LMO2: variants seen among roughly 807,000 people sequenced by gnomAD.
The protein encoded by LMO2 is rhombotin-2.
LMO2 carries 20 observed loss-of-function variants against 23.2 expected under a neutral mutation model. The observed-to-expected ratio is 0.86, with a 90% CI of 0.61 to 1.25. The LOEUF (loss-of-function observed/expected upper bound fraction) is 1.25. Ranked by LOEUF, LMO2 falls within the 50% of genes most tolerant of loss-of-function variation. The pLI is 0.00. For synonymous variants in LMO2, 123 were observed against 130.2 expected (o/e 0.94, Z 0.38); for missense variants, 270 against 315.3 (o/e 0.86, Z 1.09).
chr11:33,880,042 C>A lies in LMO2; in HGVS notation c.-272+1782G>T, dbSNP rs1857226476. The stretch of plus-strand genomic sequence containing the variant: ...ACAGCAACTCAAACAAATATTTGTA[C>A]ACCCATGTTCACAGCAGTACTATTC... On this transcript the variant is annotated intron_variant, in intron 2 of 5. Transcript: ENST00000257818. This position sits in a 1 kb window ranked among gnomAD's most constrained non-coding sequence, Gnocchi z 4.3. Among the ~76,000 whole-genome samples the A allele has an allele frequency of 6.6e-6, 1 of 152,028 alleles. No individual in the cohort carries two copies. The highest frequency in any genetic ancestry group is 6.6e-5 in the Admixed American group (1 of 15,262).
At chr11:33,887,331 G>A (rs1369850027) in intron 1 of LMO2, among the ~76,000 whole-genome samples, 1 of 152,152 alleles carries the variant, frequency 6.6e-6, no homozygotes, top group Non-Finnish European at 1.5e-5. Context: ...TGGGGTTGGG[G>A]AACCTGAGGG....
In LMO2 at chr11:33,864,612, C is replaced by A; in HGVS notation, c.454G>T (p.Asp152Tyr). 6.2e-7 allele frequency: 1 copy of A among 1,613,198 alleles called. No homozygotes were observed. The highest frequency in any genetic ancestry group is 8.5e-7 in the Non-Finnish European group (1 of 1,179,710). ...TGCCGGGGAGGGTACCTGAGATAGT[C>A]TCTCCGGCAGAGCTTCCGGCCCAGT... Reference protein sequence around the residue: ...YKLGRKLCRRDYLRLFGQDGL... With the variant: ...YKLGRKLCRRYYLRLFGQDGL... Residue 152 changes from aspartate (D) to tyrosine (Y), a missense_variant, in exon 5 of 6, where the codon GAC (aspartate) becomes TAC (tyrosine). Asp to Tyr is a radical substitution (Grantham distance 160, BLOSUM62 -3). Transcript: ENST00000257818. This position sits in a 1 kb window ranked among gnomAD's most constrained non-coding sequence, Gnocchi z 4.8.
chr11:33,866,958 G>T (rs1326533312), intron 4 of LMO2, among the ~76,000 whole-genome samples: 1 of 152,132 alleles, frequency 6.6e-6, no homozygotes, highest in Non-Finnish European at 1.5e-5. Context: ...ACTCAGAGTT[G>T]CATCTCTTCT....
chr11:33,885,781 A>T (rs187779680), intron 1 of LMO2, among the ~76,000 whole-genome samples: 49 of 152,104 alleles, frequency 3.2e-4, no homozygotes, highest in Non-Finnish European at 6.0e-4. Context: ...CCCTTGGTAG[A>T]TGATGTGGGT....
intron 4 of LMO2, among the ~76,000 whole-genome samples, chr11:33,868,185 G>A (rs11825540): frequency 0.035 from 5,303 of 152,232 alleles, 247 homozygotes; most frequent in African/African-American, 0.1. Context: ...AATATGTTGA[G>A]CTTTTATGCT....
At chr11:33,870,945 C>T (rs1260138973) in intron 2 of LMO2, 1 of 508,080 alleles carries the variant, frequency 2.0e-6, no homozygotes, top group Admixed American at 6.4e-5. Context: ...TTAGGCTCTC[C>T]TGGGCCTCAG....
chr11:33,872,076 A>C (rs1002037236), intron 2 of LMO2, among the ~76,000 whole-genome samples: 1 of 152,140 alleles, frequency 6.6e-6, no homozygotes, highest in African/African-American at 2.4e-5. Flanking sequence ...GGATCACTTG[A>C]GGTCAGGAGT....
chr11:33,879,538 G>A (rs1390480817), intron 2 of LMO2, among the ~76,000 whole-genome samples: 1 of 151,960 alleles, frequency 6.6e-6, no homozygotes, highest in Non-Finnish European at 1.5e-5. Flanking sequence ...TGAGGCAGGA[G>A]AATCACTTGA....
Position 33,869,447 on chromosome 11 carries a change from G to C in LMO2, c.147C>G (p.Ala49=), listed in dbSNP as rs1856921657. The C allele has an allele frequency of 8.4e-7, 1 of 1,196,308 alleles. No homozygotes were observed. Among genetic ancestry groups the C allele is most frequent in the Non-Finnish European group, 1.0e-6 (1 of 959,540 alleles). 74.1% of individuals were successfully genotyped at this position (1,196,308 alleles called of 1,614,324 possible). ...CTCCCTTTGTGGCGCGGGGCTGGCC[G>C]GCTGCCGGGGCTCGGACCCCCTCGG... ...RAPEGVRAPA[A]GQPRATKGAP... is the part of the protein sequence containing the mutation. The change falls in exon 4 of 6, where the codon GCC becomes GCG. Residue 49 remains alanine, a synonymous_variant. Coordinates refer to ENST00000257818, the MANE Select transcript of LMO2 (RefSeq NM_005574.4).
In LMO2 at chr11:33,880,869, C is replaced by T. The variant is rs1857264863; in HGVS notation, c.-272+955G>A. ...GTCTCATGAGCTCCAACACATTCTT[C>T]AGTGCAATCAGTGGCAATCCCTGCC... On this transcript the variant is annotated intron_variant, in intron 2 of 5. Transcript: ENST00000257818. The surrounding 1 kb of genome is among the most constrained non-coding windows in gnomAD (Gnocchi z 4.3). 1 of 271,630 alleles carries T rather than the reference C, an allele frequency of 3.7e-6. No individual in the cohort carries two copies. The highest frequency in any genetic ancestry group is 5.0e-5 in the Admixed American group (1 of 20,042). The allele number at this position is 271,630 out of a possible 1,614,324, so 16.8% of individuals were successfully genotyped here.
chr11:33,869,277 T>C (rs2133697947), intron 4 of LMO2, 69 bp downstream of exon 4: 1 of 1,095,318 alleles, frequency 9.1e-7, no homozygotes, highest in Non-Finnish European at 1.1e-6. Flanking sequence ...GCCGCCCGGG[T>C]CCCCCCGACG....
intron 5 of LMO2, among the ~76,000 whole-genome samples, chr11:33,862,342 T>C (rs535019989): frequency 1.2e-4 from 19 of 152,288 alleles, no homozygotes; most frequent in Admixed American, 9.1e-4. Flanking sequence ...CTCTAACAGA[T>C]TCAGGTGCTG....
intron 1 of LMO2, among the ~76,000 whole-genome samples, chr11:33,891,346 AACACACACACACACACACAC>A (rs57617009): frequency 8.0e-6 from 1 of 124,944 alleles, no homozygotes; most frequent in Non-Finnish European, 1.7e-5. Flanking sequence ...TTGTTAGGCA[AACACACACACACACACACAC>A]ACACACACAC....
chr11:33,884,291 T>C (rs746459853), intron 1 of LMO2, among the ~76,000 whole-genome samples: 8 of 151,872 alleles, frequency 5.3e-5, no homozygotes, highest in Non-Finnish European at 8.8e-5. Context: ...AAGATTAATT[T>C]TGAGTGATCT....
Position 33,864,723 on chromosome 11 carries a change from T to C in LMO2, c.343A>G (p.Ile115Val), listed in dbSNP as rs1197957933. The C allele has an allele frequency of 5.6e-6, 9 of 1,613,916 alleles. No homozygotes were observed. In the African/African-American group the frequency reaches 6.7e-5, roughly 12 times the overall value. Residue 115 changes from isoleucine to valine, a missense_variant, in exon 5 of 6, where the codon ATC (isoleucine) becomes GTC (valine). Physicochemically the swap from Ile to Val is conservative, Grantham distance 29. Transcript: ENST00000257818. The surrounding 1 kb of genome is among the most constrained non-coding windows in gnomAD (Gnocchi z 4.8). Reference protein sequence around the residue: ...NIGDRYFLKAIDQYWHEDCLS... With the variant: ...NIGDRYFLKAVDQYWHEDCLS... ...CAGTCCTCGTGCCAGTACTGGTCGA[T>C]GGCCTTCAGGAAGTAGCGGTCCCCA...
chr11:33,869,577 A>G lies in LMO2; in HGVS notation c.17T>C (p.Val6Ala). The G allele has an allele frequency of 1.5e-6, 2 of 1,297,086 alleles. No homozygotes were observed. Among genetic ancestry groups the G allele is most frequent in the South Asian group, 2.0e-5 (1 of 50,742 alleles). The allele number at this position is 1,297,086 out of a possible 1,614,324, so 80.3% of individuals were successfully genotyped here. The change falls in exon 4 of 6, where the codon GTG becomes GCG. Residue 6 changes from valine (V) to alanine (A), a missense_variant. Physicochemically the swap from Val to Ala is moderately conservative, Grantham distance 64 (BLOSUM62 0). This residue lies in a region of LMO2 where 170 missense variants were observed against 162.0 expected (regional missense o/e 1.05). Coordinates refer to ENST00000257818, the MANE Select transcript of LMO2 (RefSeq NM_005574.4). The part of the protein sequence containing the change: MEGSA[V>A]TVLERGGASS... ...CGCCCCTCCGCGCTCAAGGACAGTC[A>G]CCGCGCTCCCTTCAAACGCCAAAGA...
intron 3 of LMO2, 36 bp downstream of exon 3, chr11:33,869,674 G>A: frequency 6.3e-6 from 8 of 1,264,972 alleles, no homozygotes; most frequent in Non-Finnish European, 8.1e-6. Flanking sequence ...CCTGGCTCCA[G>A]GCGGCTGCAG....
chr11:33,884,414 G>C (rs1857357954), intron 1 of LMO2, among the ~76,000 whole-genome samples: 1 of 152,086 alleles, frequency 6.6e-6, no homozygotes, highest in South Asian at 2.1e-4. Context: ...GGTGGTGAGG[G>C]GTGGGGTGCC....
intron 2 of LMO2, chr11:33,871,201 CTGTGTG>C (rs56309116): frequency 0.11 from 18,086 of 159,986 alleles, 1,203 homozygotes; most frequent in Middle Eastern, 0.23. Context: ...TAATCAAAAG[CTGTGTG>C]TGTGTGTGTG....
Sources: allele counts gnomAD v4.1 joint callset (sites outside exome capture counted in the v4.1 genomes callset), GRCh38; gene constraint gnomAD v4.1.1; regional missense constraint gnomAD v4.1.1; non-coding constraint Gnocchi (gnomAD v3.1); transcripts MANE v1.5; gene names NCBI Gene and HGNC (gene_info 2026-07-23, HGNC 2026-07-21).